SLC35F3: variants seen among roughly 807,000 people sequenced by gnomAD.
SLC35F3 encodes solute carrier family 35 member F3.
In SLC35F3, 25 loss-of-function variants were observed where a neutral mutation model predicts 49.9. That is an observed-to-expected ratio of 0.50 (90% CI 0.37 to 0.70). The LOEUF is 0.70. Ranked by LOEUF, SLC35F3 falls within the 30% of genes least tolerant of loss-of-function variation. The probability of loss-of-function intolerance (pLI) is 0.00; values close to 1 mark genes in which losing one functional copy is unlikely to be tolerated. For missense variants in SLC35F3, 525 were observed against 639.8 expected (o/e 0.82, Z 1.94); for synonymous variants, 275 against 265.4 (o/e 1.04, Z -0.35).
At chr1:234,006,603 C>T (rs1456598857) in intron 2 of SLC35F3, among the ~76,000 whole-genome samples, 1 of 152,208 alleles carries the variant, frequency 6.6e-6, no homozygotes, top group East Asian at 1.9e-4. Flanking sequence ...CTACTTTTCA[C>T]AGGCTACACA....
At chr1:234,251,041 G>A (rs375314178) in intron 3 of SLC35F3, among the ~76,000 whole-genome samples, 13 of 152,152 alleles carry the variant, frequency 8.5e-5, no homozygotes, top group African/African-American at 2.9e-4. Context: ...ATGAAGGCTT[G>A]AGGTGCCTCC....
intron 3 of SLC35F3, among the ~76,000 whole-genome samples, chr1:234,232,532 AAAAAAAAAG>A (rs1667399610): frequency 1.4e-5 from 2 of 147,622 alleles, no homozygotes; most frequent in African/African-American, 5.3e-5. Context: ...AAAAAAAAAA[AAAAAAAAAG>A]AAAAAGAAAA....
intron 2 of SLC35F3, among the ~76,000 whole-genome samples, chr1:234,220,167 T>G (rs1219548005): frequency 6.7e-6 from 1 of 149,050 alleles, no homozygotes; most frequent in Admixed American, 6.6e-5. Context: ...CAAACTGGGT[T>G]ATGAAATCTC....
At chr1:234,305,920 G>T (rs2102992446) in intron 3 of SLC35F3, among the ~76,000 whole-genome samples, 1 of 152,254 alleles carries the variant, frequency 6.6e-6, no homozygotes, top group African/African-American at 2.4e-5. Context: ...GAAGTAACCT[G>T]CCACCCTCTA....
chr1:234,145,993 A>G (rs1293742381), intron 2 of SLC35F3, among the ~76,000 whole-genome samples: 3 of 152,116 alleles, frequency 2.0e-5, no homozygotes, highest in Non-Finnish European at 4.4e-5. Flanking sequence ...TTTAACTTTC[A>G]ACCTTTTTAC....
intron 3 of SLC35F3, chr1:234,268,786 A>C (rs1303507536): frequency 1.3e-5 from 2 of 152,204 alleles, no homozygotes; most frequent in East Asian, 3.9e-4. Context: ...AGTGAAAATC[A>C]GTGGACTTCG....
intron 2 of SLC35F3, among the ~76,000 whole-genome samples, chr1:234,011,098 C>A (rs1029382002): frequency 2.0e-5 from 3 of 152,092 alleles, no homozygotes; most frequent in African/African-American, 7.2e-5. Context: ...ACAAAGACCC[C>A]AAACACTTCT....
In SLC35F3 at chr1:234,283,267, T is replaced by C. The variant is rs116119583; in HGVS notation, c.609-25834T>C. The stretch of plus-strand genomic sequence containing the variant: ...GGCCAAGCCAACGTGCACATCAGCA[T>C]AAGCCAAATTTTAATTTTGTAGGAT... On this transcript the variant is annotated intron_variant, in intron 3 of 7. Transcript: ENST00000366618. Among the ~76,000 whole-genome samples, 509 of 152,360 alleles carry C rather than the reference T, an allele frequency of 3.3e-3. 3 individuals are homozygous for C. The highest frequency in any genetic ancestry group is 0.012 in the African/African-American group (483 of 41,580).
chr1:234,016,027 C>T (rs1044671610), intron 2 of SLC35F3, among the ~76,000 whole-genome samples: 32 of 152,002 alleles, frequency 2.1e-4, no homozygotes, highest in African/African-American at 7.7e-4. Context: ...ATACAAATGC[C>T]CAAGAGATAT....
intron 3 of SLC35F3, among the ~76,000 whole-genome samples, chr1:234,278,988 A>G (rs1668260627): frequency 1.3e-5 from 2 of 151,062 alleles, no homozygotes; most frequent in Admixed American, 6.6e-5. Flanking sequence ...AAAGTGAAGG[A>G]TGTGCGCTCC....
chr1:234,078,549 C>T (rs747840441), intron 2 of SLC35F3, among the ~76,000 whole-genome samples: 2 of 152,210 alleles, frequency 1.3e-5, no homozygotes, highest in African/African-American at 2.4e-5. Flanking sequence ...CCATTGGTTT[C>T]TCTCCTTCCA....
At chr1:234,195,719 A>G (rs1666798080) in intron 2 of SLC35F3, among the ~76,000 whole-genome samples, 1 of 152,046 alleles carries the variant, frequency 6.6e-6, no homozygotes, top group Admixed American at 6.6e-5. Flanking sequence ...TCCTCACCCA[A>G]ATCTCGTCTT....
intron 2 of SLC35F3, among the ~76,000 whole-genome samples, chr1:233,926,931 C>G (rs1161797682): frequency 2.6e-5 from 4 of 152,120 alleles, no homozygotes; most frequent in Non-Finnish European, 5.9e-5. Context: ...TGGGGGTTCA[C>G]TCCAGACCCT....
intron 2 of SLC35F3, among the ~76,000 whole-genome samples, chr1:233,992,149 G>A (rs1453935013): frequency 1.3e-5 from 2 of 152,122 alleles, no homozygotes; most frequent in Non-Finnish European, 2.9e-5. Context: ...GTGAGAGGGT[G>A]GGATTGGTGG....
intron 2 of SLC35F3, among the ~76,000 whole-genome samples, chr1:233,934,370 G>A (rs997419171): frequency 6.6e-6 from 1 of 152,074 alleles, no homozygotes; most frequent in African/African-American, 2.4e-5. Flanking sequence ...TTTTCTATAT[G>A]TATGAATTCC....
intron 2 of SLC35F3, among the ~76,000 whole-genome samples, chr1:234,157,643 G>A (rs540649751): frequency 4.7e-4 from 72 of 152,220 alleles, no homozygotes; most frequent in Admixed American, 1.2e-3. Flanking sequence ...CAAGGTGGCG[G>A]GGCCCATTTC....
At position 233,951,221 on chromosome 1, in the gene SLC35F3, TA is replaced by T. The variant is rs560949568; in HGVS notation, c.283+45465del. On this transcript the variant is annotated intron_variant, in intron 2 of 7. Coordinates refer to ENST00000366618, the MANE Select transcript of SLC35F3 (RefSeq NM_173508.4). ...GACTGCATATGCAATGATGCTGCCA[TA>T]AGATTATACTGAAGCTGAAACGTTT... Among the ~76,000 whole-genome samples the T allele has an allele frequency of 2.1e-3, 312 of 152,164 alleles. 4 individuals are homozygous for T. The highest frequency in any genetic ancestry group is 6.8e-3 in the African/African-American group (284 of 41,482).
At chr1:234,164,841 T>TGG (rs201138910) in intron 2 of SLC35F3, among the ~76,000 whole-genome samples, 1 of 20,124 alleles carries the variant, frequency 5.0e-5, no homozygotes, top group African/African-American at 1.1e-4. Flanking sequence ...GTGATTTGGG[T>TGG]GGGGGGGGGG....
At chr1:234,182,317 T>C (rs1411109600) in intron 2 of SLC35F3, among the ~76,000 whole-genome samples, 3 of 152,238 alleles carry the variant, frequency 2.0e-5, no homozygotes, top group Non-Finnish European at 4.4e-5. Flanking sequence ...ATTGATCTCT[T>C]GTATGACAAC....
Sources: gnomAD v4.1 joint callset for allele counts (sites outside exome capture counted in the v4.1 genomes callset) on GRCh38, gnomAD v4.1.1 for gene constraint, MANE v1.5 for transcripts, NCBI Gene and HGNC (gene_info 2026-07-23, HGNC 2026-07-21) for gene names.